Variants in NINL observed in about 807,000 individuals in gnomAD.
NINL encodes ninein-like protein.
A neutral mutation model predicts 160.3 loss-of-function variants in NINL; 153 were observed. The observed-to-expected ratio is 0.95, with a 90% CI of 0.84 to 1.09. The LOEUF is 1.09. Ranked by LOEUF, NINL falls within the 50% of genes least tolerant of loss-of-function variation. The probability of loss-of-function intolerance (pLI) is 0.00; values close to 1 mark genes in which losing one functional copy is unlikely to be tolerated. For missense variants in NINL, 1,829 were observed against 1,764.0 expected, an observed-to-expected ratio of 1.04 and a Z score of -0.66; for synonymous variants, 800 against 734.8, an observed-to-expected ratio of 1.09 and a Z score of -1.43.
intron 12 of NINL, 141 bp from the exon 13 acceptor site, chr20:25,489,465 CT>C: frequency 2.9e-6 from 2 of 689,688 alleles, no homozygotes; most frequent in Admixed American, 4.4e-5. Flanking sequence ...GCCATCCCCC[CT>C]CCTTCTCCTT....
intron 7 of NINL, among the ~76,000 whole-genome samples, chr20:25,501,677 CTTCT>C (rs1250068457): frequency 2.6e-5 from 4 of 152,188 alleles, no homozygotes; most frequent in East Asian, 1.9e-4. Context: ...TTCTGAGTTT[CTTCT>C]TTGTCGTTCT....
chr20:25,584,387 G>A (rs1239171218), intron 1 of NINL, among the ~76,000 whole-genome samples: 2 of 152,224 alleles, frequency 1.3e-5, no homozygotes, highest in Non-Finnish European at 2.9e-5. Flanking sequence ...TTGAATCCGG[G>A]AGGCAGAGGT....
At position 25,504,062 on chromosome 20, in the gene NINL, C is replaced by G; in HGVS notation, c.751G>C (p.Gly251Arg). ...LFNKLDQDGD[G>R]KVSLEEFQLG... is the part of the protein sequence containing the mutation. ...TGGAATTCCTCAAGACTCACTTTGC[C>G]GTCTCCGTCTTGATCCAGTTTGTTA... The change falls in exon 7 of 24, where the codon GGC becomes CGC. Residue 251 changes from glycine (G) to arginine (R), a missense_variant. By Grantham distance (125) the Gly-to-Arg change is moderately radical (BLOSUM62 -2). Coordinates refer to ENST00000278886, the MANE Select transcript of NINL (RefSeq NM_025176.6). The G allele has an allele frequency of 6.2e-7, 1 of 1,604,458 alleles. No individual in the cohort carries two copies. The highest frequency in any genetic ancestry group is 8.5e-7 in the Non-Finnish European group (1 of 1,176,118).
chr20:25,479,314 C>T, intron 15 of NINL, 108 bp from the exon 16 acceptor site: 1 of 1,414,364 alleles, frequency 7.1e-7, no homozygotes, highest in Non-Finnish European at 9.6e-7. Flanking sequence ...CAAAGACCGG[C>T]ATCCTGGCCT....
chr20:25,573,312 A>AG (rs1421531286), intron 1 of NINL, among the ~76,000 whole-genome samples: 2 of 151,936 alleles, frequency 1.3e-5, no homozygotes, highest in Non-Finnish European at 2.9e-5. Context: ...AAAAAAAAAA[A>AG]TTAAAGAATA....
intron 23 of NINL, among the ~76,000 whole-genome samples, chr20:25,454,972 C>T (rs1050964781): frequency 2.0e-5 from 3 of 152,296 alleles, no homozygotes; most frequent in Admixed American, 1.3e-4. Context: ...AACCCAAACC[C>T]CTGACCTTGG....
chr20:25,481,812 TG>T, intron 14 of NINL, 155 bp downstream of exon 14: 1 of 1,120,340 alleles, frequency 8.9e-7, no homozygotes, highest in Non-Finnish European at 1.2e-6. Context: ...GTGGCATCCC[TG>T]GATCCTCCTT....
At chr20:25,482,743 G>T (rs193203482) in intron 13 of NINL, among the ~76,000 whole-genome samples, 30 of 148,000 alleles carry the variant, frequency 2.0e-4, no homozygotes, top group Admixed American at 5.3e-4. Context: ...GCAGAGTATG[G>T]CCGGGCATGG....
chr20:25,455,443 T>C (rs2090644342), intron 23 of NINL, among the ~76,000 whole-genome samples: 1 of 152,160 alleles, frequency 6.6e-6, no homozygotes, highest in Non-Finnish European at 1.5e-5. Flanking sequence ...CATGAACAAA[T>C]GAACGGATGA....
At chr20:25,468,611 CCT>C (rs1179728229) in intron 18 of NINL, among the ~76,000 whole-genome samples, 2 of 145,048 alleles carry the variant, frequency 1.4e-5, no homozygotes, top group Non-Finnish European at 3.0e-5. Flanking sequence ...TGTCCTGTCC[CCT>C]GACTCTCACT....
At chr20:25,522,206 C>G (rs772371008) in intron 2 of NINL, among the ~76,000 whole-genome samples, 1 of 152,178 alleles carries the variant, frequency 6.6e-6, no homozygotes, top group Non-Finnish European at 1.5e-5. Flanking sequence ...CCATGCCAAG[C>G]CTATCGCAGA....
chr20:25,554,201 G>A (rs993950090), intron 1 of NINL, among the ~76,000 whole-genome samples: 7 of 152,200 alleles, frequency 4.6e-5, no homozygotes, highest in African/African-American at 9.6e-5. Context: ...GCCACACAGC[G>A]GGAGGGCTGC....
intron 1 of NINL, among the ~76,000 whole-genome samples, chr20:25,581,478 A>G (rs911265933): frequency 6.6e-6 from 1 of 151,208 alleles, no homozygotes; most frequent in African/African-American, 2.4e-5. Flanking sequence ...GTAAATGTCC[A>G]CCATAGAAAG....
chr20:25,542,348 T>C (rs546127081), intron 1 of NINL, among the ~76,000 whole-genome samples: 1 of 152,038 alleles, frequency 6.6e-6, no homozygotes, highest in African/African-American at 2.4e-5. Flanking sequence ...ACAGGAAAGA[T>C]TACACAATTT....
intron 14 of NINL, 27 bp from the exon 15 acceptor site, chr20:25,480,294 G>T: frequency 6.3e-7 from 1 of 1,593,798 alleles, no homozygotes; most frequent in Non-Finnish European, 8.6e-7. Flanking sequence ...ACTTCCGTTT[G>T]TCACACTGAG....
chr20:25,542,308 T>A (rs189793337), intron 1 of NINL, among the ~76,000 whole-genome samples: 2 of 152,158 alleles, frequency 1.3e-5, no homozygotes, highest in Admixed American at 1.3e-4. Context: ...ACTGGCTGAC[T>A]GTGAAGAACA....
At chr20:25,483,463 G>T (rs567276607) in intron 13 of NINL, among the ~76,000 whole-genome samples, 1 of 152,382 alleles carries the variant, frequency 6.6e-6, no homozygotes, top group South Asian at 2.1e-4. Context: ...GTAAGGATAG[G>T]ATTCCTTCCT....
rs535300178 is a variant in NINL at position 25,524,995 on chromosome 20, G to A, written c.180+1413C>T. 9.9e-5 allele frequency among the ~76,000 whole-genome samples: 15 copies of A among 151,658 alleles called. No individual in the cohort carries two copies. In the South Asian group the frequency reaches 2.9e-3, roughly 29 times the overall value. ...TCTGTATTGCTTAAATAACCAGAGCGTTGATTTTTCATAAATGTGCCTTTT... is the reference window on the plus strand; with the variant it reads ...TCTGTATTGCTTAAATAACCAGAGCATTGATTTTTCATAAATGTGCCTTTT... On this transcript the variant is annotated intron_variant, in intron 2 of 23. Coordinates refer to ENST00000278886, the MANE Select transcript of NINL (RefSeq NM_025176.6).
In NINL at chr20:25,476,544, C is replaced by T; in HGVS notation, c.2747G>A (p.Gly916Glu). The change falls in exon 17 of 24, where the codon GGG becomes GAG. Residue 916 changes from glycine (G) to glutamate (E), a missense_variant. Transcript: ENST00000278886. ...WSRMQPCGVD[G>E]DIVPKEPEPF... Reference sequence around the variant, plus strand: ...CTCTGGCTCCTTTGGGACAATATCCCCATCCACTCCACAGGGCTGCATGCG... The same window carrying T: ...CTCTGGCTCCTTTGGGACAATATCCTCATCCACTCCACAGGGCTGCATGCG... 2 of 1,600,154 alleles carry T rather than the reference C, an allele frequency of 1.2e-6. No homozygotes were observed. Among genetic ancestry groups the T allele is most frequent in the Non-Finnish European group, 1.7e-6 (2 of 1,179,830 alleles).
Sources: gnomAD v4.1 joint callset for allele counts (sites outside exome capture counted in the v4.1 genomes callset) on GRCh38, gnomAD v4.1.1 for gene constraint, MANE v1.5 for transcripts, NCBI Gene and HGNC (gene_info 2026-07-23, HGNC 2026-07-21) for gene names.